CACNA2D3: variants seen among roughly 807,000 people sequenced by gnomAD.
The protein encoded by CACNA2D3 is voltage-dependent calcium channel subunit alpha-2/delta-3.
In CACNA2D3, 60 loss-of-function variants were observed where a neutral mutation model predicts 160.6. The ratio of observed to expected loss-of-function variants is 0.37; its 90% CI spans 0.30 to 0.46. The LOEUF (loss-of-function observed/expected upper bound fraction) is 0.46, where lower values mean the gene tolerates loss of function less well. Ranked by LOEUF, CACNA2D3 falls within the 20% of genes least tolerant of loss-of-function variation. The probability of loss-of-function intolerance (pLI) is 1.00; values close to 1 mark genes in which losing one functional copy is unlikely to be tolerated. For missense variants in CACNA2D3, 1,205 were observed against 1,365.0 expected, an observed-to-expected ratio of 0.88 and a Z score of 1.85; for synonymous variants, 558 against 492.9, an observed-to-expected ratio of 1.13 and a Z score of -1.75.
intron 29 of CACNA2D3, among the ~76,000 whole-genome samples, chr3:54,976,083 A>T (rs1199991009): frequency 7.6e-6 from 1 of 131,048 alleles, no homozygotes; most frequent in Non-Finnish European, 1.8e-5. Flanking sequence ...ACACACACAC[A>T]CACACACACA....
At chr3:54,592,352 G>C (rs939599006) in intron 9 of CACNA2D3, among the ~76,000 whole-genome samples, 2 of 152,124 alleles carry the variant, frequency 1.3e-5, no homozygotes, top group African/African-American at 4.8e-5. Context: ...CCTGAAGAGG[G>C]GGTCTTAAAA....
intron 2 of CACNA2D3, among the ~76,000 whole-genome samples, chr3:54,172,124 G>C (rs916793204): frequency 6.6e-6 from 1 of 152,142 alleles, no homozygotes; most frequent in Non-Finnish European, 1.5e-5. Flanking sequence ...CTGCAGGTCT[G>C]CCCTGCCAGT....
chr3:54,541,743 C>T (rs6445693), intron 5 of CACNA2D3, among the ~76,000 whole-genome samples: 4 of 152,022 alleles, frequency 2.6e-5, no homozygotes, highest in Non-Finnish European at 4.4e-5. Flanking sequence ...GACTGAGGAT[C>T]TGTCCTGAAT....
At chr3:54,660,277 C>T (rs1267074688) in intron 11 of CACNA2D3, among the ~76,000 whole-genome samples, 1 of 152,062 alleles carries the variant, frequency 6.6e-6, no homozygotes, top group Non-Finnish European at 1.5e-5. Context: ...TCTTCTGCCT[C>T]AGCCTCCTGA....
intron 2 of CACNA2D3, among the ~76,000 whole-genome samples, chr3:54,280,157 C>G (rs1181891843): frequency 6.6e-6 from 1 of 152,108 alleles, no homozygotes; most frequent in Admixed American, 6.6e-5. Flanking sequence ...TCTCTGCTCA[C>G]TACAAGCTCT....
intron 3 of CACNA2D3, among the ~76,000 whole-genome samples, chr3:54,359,481 G>A (rs1049837467): frequency 1.3e-5 from 2 of 152,094 alleles, no homozygotes; most frequent in Non-Finnish European, 2.9e-5. Flanking sequence ...CTAGGCTCAC[G>A]CTAGGAACTC....
Position 55,034,366 on chromosome 3 carries a change from CCTTA to C in CACNA2D3, c.2987+16053_2987+16056del, listed in dbSNP as rs534503830. ...ATCTCTGTGTGCCGTCTAATTATGT[CCTTA>C]CTTCTCTTTGTCTCTTAAGTTGTTA... On this transcript the variant is annotated intron_variant, in intron 35 of 37. Transcript: ENST00000474759. 5.0e-4 allele frequency among the ~76,000 whole-genome samples: 76 copies of C among 151,662 alleles called. No individual in the cohort carries two copies. The South Asian group carries it at 7.1e-3, about 14-fold the overall frequency.
intron 5 of CACNA2D3, among the ~76,000 whole-genome samples, chr3:54,506,990 C>T (rs186275264): frequency 1.4e-4 from 22 of 152,158 alleles, no homozygotes; most frequent in Admixed American, 1.4e-3. Flanking sequence ...TATATACACA[C>T]ATATATATAT....
chr3:54,317,051 T>G (rs1389365177), intron 2 of CACNA2D3, among the ~76,000 whole-genome samples: 1 of 152,200 alleles, frequency 6.6e-6, no homozygotes, highest in East Asian at 1.9e-4. Context: ...GTCTTGAACT[T>G]TGTATTTTTG....
intron 2 of CACNA2D3, among the ~76,000 whole-genome samples, chr3:54,307,695 C>T (rs1336021320): frequency 6.6e-6 from 1 of 152,166 alleles, no homozygotes; most frequent in Non-Finnish European, 1.5e-5. Flanking sequence ...GCTTTTGGCC[C>T]TGTAACTACA....
chr3:54,306,328 TGA>T (rs140311356), intron 2 of CACNA2D3, among the ~76,000 whole-genome samples: 7 of 151,152 alleles, frequency 4.6e-5, no homozygotes, highest in African/African-American at 9.7e-5. Flanking sequence ...TGTGTGTATA[TGA>T]GAGAGAGAGA....
chr3:54,331,052 TG>T (rs905653124), intron 3 of CACNA2D3, among the ~76,000 whole-genome samples: 6 of 152,158 alleles, frequency 3.9e-5, no homozygotes, highest in Non-Finnish European at 8.8e-5. Flanking sequence ...TTCATTTTCA[TG>T]GGAATTTCGT....
chr3:54,560,654 C>T (rs1702310054), intron 5 of CACNA2D3, among the ~76,000 whole-genome samples: 1 of 152,090 alleles, frequency 6.6e-6, no homozygotes, highest in Non-Finnish European at 1.5e-5. Context: ...TTTGCCTGTG[C>T]CTGTGTCCTG....
chr3:54,141,871 C>T (rs1343639120), intron 2 of CACNA2D3, among the ~76,000 whole-genome samples: 1 of 152,208 alleles, frequency 6.6e-6, no homozygotes, highest in African/African-American at 2.4e-5. Context: ...TCTTGCTACT[C>T]TGTCCAGGTA....
chr3:54,790,925 C>T (rs893223231), intron 13 of CACNA2D3, among the ~76,000 whole-genome samples: 2 of 152,206 alleles, frequency 1.3e-5, no homozygotes, highest in African/African-American at 2.4e-5. Context: ...CTGAAAAGCA[C>T]CATCTCCACA....
At chr3:54,141,972 A>G (rs1699945293) in intron 2 of CACNA2D3, among the ~76,000 whole-genome samples, 1 of 152,232 alleles carries the variant, frequency 6.6e-6, no homozygotes. Context: ...GCATATCTCA[A>G]ATAATTAGAC....
chr3:54,871,495 A>G, intron 17 of CACNA2D3, 44 bp from the exon 18 acceptor site: 1 of 1,485,348 alleles, frequency 6.7e-7, no homozygotes, highest in South Asian at 1.1e-5. Flanking sequence ...TGATGACTTC[A>G]CGGACTTTTG....
intron 4 of CACNA2D3, among the ~76,000 whole-genome samples, chr3:54,423,621 G>A (rs1699869993): frequency 6.6e-6 from 1 of 152,200 alleles, no homozygotes. Flanking sequence ...AGTCAGAAGT[G>A]TGCCCCTGGC....
At chr3:55,029,866 A>G (rs1295468565) in intron 35 of CACNA2D3, among the ~76,000 whole-genome samples, 1 of 152,212 alleles carries the variant, frequency 6.6e-6, no homozygotes. Flanking sequence ...CTCCTGCTCT[A>G]CAGATTCTTG....
Sources: allele counts gnomAD v4.1 joint callset (sites outside exome capture counted in the v4.1 genomes callset), GRCh38; gene constraint gnomAD v4.1.1; transcripts MANE v1.5; gene names NCBI Gene and HGNC (gene_info 2026-07-23, HGNC 2026-07-21).